Variants in KRT8 observed in about 807,000 individuals in gnomAD.
The protein encoded by KRT8 is keratin, type II cytoskeletal 8.
Under a neutral mutation model 43.0 loss-of-function variants are expected in KRT8, and 24 were observed. The observed-to-expected ratio is 0.56, with a 90% confidence interval of 0.40 to 0.78. KRT8 has a LOEUF of 0.78. Ranked by LOEUF, KRT8 falls within the 30% of genes least tolerant of loss-of-function variation. The probability of loss-of-function intolerance (pLI) is 0.00; values close to 1 mark genes in which losing one functional copy is unlikely to be tolerated. For synonymous variants in KRT8, 214 were observed against 261.2 expected (o/e 0.82, Z 1.74); for missense variants, 492 against 638.4 (o/e 0.77, Z 2.47).
intron 2 of KRT8, chr12:52,926,464 C>T: frequency 6.5e-7 from 1 of 1,535,726 alleles, no homozygotes; most frequent in Non-Finnish European, 8.7e-7. Flanking sequence ...CAAACATTTG[C>T]TGAATGAAAA....
At chr12:52,906,601 A>G (rs748330603), upstream of KRT8, 1 of 431,638 alleles carries the variant, frequency 2.3e-6, no homozygotes, top group South Asian at 1.7e-5. Flanking sequence ...TGTGGGTGGA[A>G]GGCAGGAGGT....
chr12:52,939,625 A>AG (rs1271051232), intron 2 of KRT8, among the ~76,000 whole-genome samples: 1 of 151,990 alleles, frequency 6.6e-6, no homozygotes, highest in African/African-American at 2.4e-5. Flanking sequence ...AGGAGGCTGA[A>AG]GTATGAGAAT....
intron 2 of KRT8, among the ~76,000 whole-genome samples, chr12:52,930,708 GC>G (rs1942068859): frequency 6.6e-6 from 1 of 151,844 alleles, no homozygotes; most frequent in South Asian, 2.1e-4. Context: ...CTACAGGCAT[GC>G]ACCACCACAC....
In KRT8 at chr12:52,938,170, A is replaced by ATATATATATATATT. The variant is rs1555189967; in HGVS notation, c.-47+11285_-47+11286insAATATATATATATA. ...TATATATATATATATATATATATAT[A>ATATATATATATATT]TTTTTTTTTTTTTTTATATATAAGG... On this transcript the variant is annotated intron_variant, in intron 2 of 6. Transcript: ENST00000546826. Among the ~76,000 whole-genome samples the ATATATATATATATT allele has an allele frequency of 3.8e-3, 115 of 30,174 alleles. 2 individuals are homozygous for ATATATATATATATT. The highest frequency in any genetic ancestry group is 0.026 in the Middle Eastern group (1 of 38). 19.8% of individuals were successfully genotyped at this position (30,174 alleles called of 152,430 possible).
chr12:52,949,596 G>C, intron 1 of KRT8: 1 of 1,609,276 alleles, frequency 6.2e-7, no homozygotes, highest in Non-Finnish European at 8.5e-7. Flanking sequence ...CTCAGGTAAG[G>C]GGTAGGAGGG....
intron 2 of KRT8, among the ~76,000 whole-genome samples, chr12:52,917,158 G>A (rs1241340191): frequency 1.3e-5 from 2 of 152,176 alleles, no homozygotes; most frequent in African/African-American, 4.8e-5. Flanking sequence ...GGGAGGCTGA[G>A]GTGGGTGGAT....
chr12:52,931,249 A>G (rs966571760), intron 2 of KRT8, among the ~76,000 whole-genome samples: 5 of 151,712 alleles, frequency 3.3e-5, no homozygotes, highest in Non-Finnish European at 7.4e-5. Context: ...TTGCATTTTT[A>G]GTAGAGACAG....
chr12:52,898,716 C>T (rs917986986), exon 6 of KRT8: 22 of 1,614,094 alleles, frequency 1.4e-5, no homozygotes, highest in African/African-American at 4.0e-5. Flanking sequence ...CTGTAGGTGG[C>T]GATCTCGATG....
upstream of KRT8, chr12:52,905,105 G>C (rs909416139): frequency 4.1e-6 from 6 of 1,450,472 alleles, no homozygotes; most frequent in Non-Finnish European, 5.4e-6. Flanking sequence ...TCCCAGCCCC[G>C]GGGGATGGGG....
At chr12:52,902,786 C>A (rs1039472487) in intron 1 of KRT8, among the ~76,000 whole-genome samples, 4 of 151,890 alleles carry the variant, frequency 2.6e-5, no homozygotes, top group African/African-American at 9.7e-5. Flanking sequence ...CCAAGGCAGG[C>A]GGATTTCTTG....
intron 2 of KRT8, among the ~76,000 whole-genome samples, chr12:52,918,172 G>GA (rs1437513993): frequency 3.1e-5 from 4 of 130,296 alleles, no homozygotes; most frequent in African/African-American, 9.5e-5. Flanking sequence ...AGAAGAAGAA[G>GA]AGGAAGAGGA....
upstream of KRT8, chr12:52,905,152 G>T (rs1457702718): frequency 7.7e-7 from 1 of 1,301,750 alleles, no homozygotes; most frequent in East Asian, 2.5e-5. Flanking sequence ...AGGCCCAGAG[G>T]GGGCTGGGCC....
intron 7 of KRT8, 76 bp from the exon 8 acceptor site, chr12:52,897,694 C>A: frequency 6.3e-7 from 1 of 1,583,890 alleles, no homozygotes; most frequent in South Asian, 1.1e-5. Flanking sequence ...TCTCCCTGCT[C>A]ATTCCCAACA....
exon 5 of KRT8, chr12:52,900,033 G>A: frequency 6.2e-7 from 1 of 1,612,786 alleles, no homozygotes; most frequent in Non-Finnish European, 8.5e-7. Flanking sequence ...CCACAGATGT[G>A]TCCGAGATCT....
At chr12:52,928,480 C>T (rs1942031503) in intron 2 of KRT8, among the ~76,000 whole-genome samples, 1 of 152,190 alleles carries the variant, frequency 6.6e-6, no homozygotes, top group Non-Finnish European at 1.5e-5. Context: ...ACACACCCCT[C>T]CCTTCACACA....
At chr12:52,911,178 C>T (rs975776488), upstream of KRT8, among the ~76,000 whole-genome samples, 3 of 152,080 alleles carry the variant, frequency 2.0e-5, no homozygotes, top group Non-Finnish European at 2.9e-5. Context: ...ATGGTGAAAC[C>T]CCATTTCTAC....
intron 3 of KRT8, chr12:52,900,938 C>T (rs1941353821): frequency 1.6e-6 from 1 of 637,214 alleles, no homozygotes; most frequent in Admixed American, 2.4e-5. Context: ...AGTTCTACTG[C>T]TCTGTTTTCT....
At chr12:52,924,265 G>T (rs1027940254) in intron 2 of KRT8, among the ~76,000 whole-genome samples, 1 of 152,020 alleles carries the variant, frequency 6.6e-6, no homozygotes, top group Admixed American at 6.6e-5. Context: ...TGGCTAACAC[G>T]GTGAAACCCT....
chr12:52,901,345 G>T (rs564430514), intron 2 of KRT8, 126 bp from the exon 3 acceptor site: 5 of 762,532 alleles, frequency 6.6e-6, no homozygotes, highest in Admixed American at 1.8e-5. Context: ...ATATGAGAAG[G>T]CTGGTCCTTC....
Sources: gnomAD v4.1 joint callset for allele counts (sites outside exome capture counted in the v4.1 genomes callset) on GRCh38, gnomAD v4.1.1 for gene constraint, MANE v1.5 for transcripts, NCBI Gene and HGNC (gene_info 2026-07-23, HGNC 2026-07-21) for gene names.